RABGEF1: variants seen among roughly 807,000 people sequenced by gnomAD.
RABGEF1 encodes the protein RAB guanine nucleotide exchange factor 1, also known as rab5 GDP/GTP exchange factor.
A neutral mutation model predicts 57.3 loss-of-function variants in RABGEF1; 26 were observed. The observed-to-expected ratio is 0.45, with a 90% CI of 0.33 to 0.63. The LOEUF (loss-of-function observed/expected upper bound fraction) is 0.63. Among genes scored for constraint, RABGEF1 ranks in the 20% least tolerant of loss-of-function variants. RABGEF1 has a pLI of 0.02. For missense variants in RABGEF1, 464 were observed against 607.6 expected, an observed-to-expected ratio of 0.76 and a Z score of 2.48; for synonymous variants, 185 against 210.7, an observed-to-expected ratio of 0.88 and a Z score of 1.06.
the RABGEF1 span, among the ~76,000 whole-genome samples, chr7:66,674,264 A>G: frequency 2.0e-5 from 3 of 149,080 alleles, no homozygotes; most frequent in African/African-American, 7.4e-5. Flanking sequence ...ATCTCAGCTC[A>G]CTGCAACTTC....
intron 1 of RABGEF1, among the ~76,000 whole-genome samples, chr7:66,692,971 G>A (rs1247149147): frequency 2.0e-5 from 3 of 152,096 alleles, no homozygotes; most frequent in East Asian, 1.9e-4. Flanking sequence ...CCCCCATGCC[G>A]GAAGGGGCTG....
chr7:66,793,441 T>C (rs187031069), intron 4 of RABGEF1, among the ~76,000 whole-genome samples: 102 of 152,334 alleles, frequency 6.7e-4, no homozygotes, highest in Admixed American at 2.2e-3. Context: ...TGTGGTGTCA[T>C]GTCGACACTG....
Position 66,771,926 on chromosome 7 carries a change from A to G in RABGEF1, c.27A>G (p.Gly9=). 6.4e-7 allele frequency: 1 copy of G among 1,560,898 alleles called. No homozygotes were observed. The highest frequency in any genetic ancestry group is 8.7e-7 in the Non-Finnish European group (1 of 1,153,164). ...TGAGCCTTAAGTCTGAACGCCGAGG[A>G]ATTCATGTGGATCAATCGGATCTCC... is the stretch of plus-strand genomic sequence containing the variant. MSLKSERR[G]IHVDQSDLLC... is the part of the protein sequence containing the mutation. Residue 9 remains glycine (G), a synonymous_variant, in exon 2 of 9, where the codon GGA becomes GGG. Transcript: ENST00000284957.
chr7:66,677,079 A>G, the RABGEF1 span, among the ~76,000 whole-genome samples: 1 of 152,126 alleles, frequency 6.6e-6, no homozygotes, highest in Non-Finnish European at 1.5e-5. Context: ...TTTTTGATTT[A>G]TTTTTGAATT....
chr7:66,734,591 T>C (rs1444355300), intron 2 of RABGEF1, among the ~76,000 whole-genome samples: 1 of 150,138 alleles, frequency 6.7e-6, no homozygotes, highest in Non-Finnish European at 1.5e-5. Flanking sequence ...CCACCATGCC[T>C]GGCTAATTTT....
chr7:66,679,167 G>C (rs1272425636), upstream of RABGEF1, among the ~76,000 whole-genome samples: 1 of 152,186 alleles, frequency 6.6e-6, no homozygotes, highest in Non-Finnish European at 1.5e-5. Context: ...GGTGTCAGAA[G>C]GGTCTTCCCT....
intron 1 of RABGEF1, among the ~76,000 whole-genome samples, chr7:66,761,692 G>T (rs1804395448): frequency 6.6e-6 from 1 of 152,154 alleles, no homozygotes; most frequent in Admixed American, 6.5e-5. Flanking sequence ...TCCTGCCTTG[G>T]GGCAGGTAAA....
At chr7:66,786,901 T>C (rs996611145) in intron 4 of RABGEF1, among the ~76,000 whole-genome samples, 1 of 152,250 alleles carries the variant, frequency 6.6e-6, no homozygotes, top group African/African-American at 2.4e-5. Context: ...TCCTTTTATG[T>C]TGAAAATATA....
the RABGEF1 span, among the ~76,000 whole-genome samples, chr7:66,661,390 A>G: frequency 6.6e-6 from 1 of 152,018 alleles, no homozygotes; most frequent in African/African-American, 2.4e-5. Context: ...GTACACTAGC[A>G]AATTGAATAA....
At chr7:66,679,520 G>C (rs1789543579), upstream of RABGEF1, among the ~76,000 whole-genome samples, 3 of 152,034 alleles carry the variant, frequency 2.0e-5, no homozygotes, top group Non-Finnish European at 4.4e-5. Context: ...CCAGAGGTGG[G>C]GTTGCCCAGG....
the RABGEF1 span, among the ~76,000 whole-genome samples, chr7:66,666,592 C>T: frequency 1.3e-5 from 2 of 152,200 alleles, no homozygotes; most frequent in South Asian, 4.1e-4. Context: ...TTGCCTCCTT[C>T]TGAGGCAAGT....
In RABGEF1 at chr7:66,809,258, C is replaced by T; in HGVS notation, c.1450C>T (p.Leu484=). ...TGAAAATGATAAACTTCCTCCACCA[C>T]TGCAACCTCAAGTTTATGCAGGATG... The part of the protein sequence containing the change: ...NVENDKLPPP[L]QPQVYAG The change falls in exon 9 of 9, where the codon CTG becomes TTG. Residue 484 remains leucine (L), a synonymous_variant. Coordinates refer to ENST00000284957, the MANE Select transcript of RABGEF1 (RefSeq NM_014504.3). 6.2e-7 allele frequency: 1 copy of T among 1,610,494 alleles called. No individual in the cohort carries two copies. The highest frequency in any genetic ancestry group is 8.5e-7 in the Non-Finnish European group (1 of 1,177,482).
intron 1 of RABGEF1, among the ~76,000 whole-genome samples, chr7:66,694,133 C>G (rs1562702699): frequency 6.6e-6 from 1 of 152,196 alleles, no homozygotes; most frequent in African/African-American, 2.4e-5. Context: ...CTTGCTCTCC[C>G]TCTGCTCCAA....
intron 7 of RABGEF1, among the ~76,000 whole-genome samples, chr7:66,803,287 TC>T (rs1787716453): frequency 6.6e-6 from 1 of 152,176 alleles, no homozygotes; most frequent in African/African-American, 2.4e-5. Context: ...CTAGGAGGGT[TC>T]CCCAGGAAGC....
At chr7:66,760,871 C>T (rs1194584397) in intron 1 of RABGEF1, among the ~76,000 whole-genome samples, 7 of 152,010 alleles carry the variant, frequency 4.6e-5, no homozygotes, top group Non-Finnish European at 1.0e-4. Flanking sequence ...TTGAGCCATC[C>T]TCCCACCTTC....
chr7:66,674,825 C>G, the RABGEF1 span, among the ~76,000 whole-genome samples: 1 of 151,468 alleles, frequency 6.6e-6, no homozygotes. Flanking sequence ...CATGAGGAAC[C>G]TTAAGGAATG....
chr7:66,738,295 A>C (rs1257884257), upstream of RABGEF1, among the ~76,000 whole-genome samples: 4 of 152,176 alleles, frequency 2.6e-5, no homozygotes, highest in African/African-American at 9.6e-5. Context: ...CTGGGATTAC[A>C]GGCGTGAGCC....
chr7:66,660,985 G>A, the RABGEF1 span, among the ~76,000 whole-genome samples: 5,504 of 152,168 alleles, frequency 0.036, 142 homozygotes, highest in Non-Finnish European at 0.054. Flanking sequence ...CAGCACTTTG[G>A]GAGATTAAGG....
chr7:66,773,926 A>T (rs780641910), intron 2 of RABGEF1: 32 of 406,410 alleles, frequency 7.9e-5, no homozygotes, highest in South Asian at 5.3e-4. Flanking sequence ...TTGGCCTCCC[A>T]GTGTGCTGGG....
Sources: gnomAD v4.1 joint callset for allele counts (sites outside exome capture counted in the v4.1 genomes callset) on GRCh38, gnomAD v4.1.1 for gene constraint, MANE v1.5 for transcripts, NCBI Gene and HGNC (gene_info 2026-07-23, HGNC 2026-07-21) for gene names.